The following CWF19L2 variants were observed in gnomAD, a reference collection of about 807,000 sequenced individuals.
CWF19L2 encodes CWF19-like protein 2.
CWF19L2 carries 98 observed loss-of-function variants against 111.7 expected under a neutral mutation model. The observed-to-expected ratio is 0.88, with a 90% CI of 0.75 to 1.04. The LOEUF (loss-of-function observed/expected upper bound fraction) is 1.04, where lower values mean the gene tolerates loss of function less well. CWF19L2 is among the 50% of genes least tolerant of loss of function. The pLI is 0.00. For synonymous variants in CWF19L2, 351 were observed against 342.9 expected, an observed-to-expected ratio of 1.02 and a Z score of -0.26; for missense variants, 1,101 against 1,051.4, an observed-to-expected ratio of 1.05 and a Z score of -0.65.
intron 5 of CWF19L2, 117 bp from the exon 6 acceptor site, chr11:107,439,300 A>G (rs2135418855): frequency 1.6e-6 from 1 of 642,666 alleles, no homozygotes; most frequent in Non-Finnish European, 2.7e-6. Flanking sequence ...ATCATTTAAA[A>G]CATTCTTAAG....
In CWF19L2 at chr11:107,355,888, T is replaced by C. The variant is rs569864293; in HGVS notation, c.1873-2152A>G. ...CACACTATCAACCAACTTGACTTAA[T>C]TGACATTAATAGAAATTCCACCCAA... On this transcript the variant is annotated intron_variant, in intron 12 of 17. Coordinates refer to ENST00000282251, the MANE Select transcript of CWF19L2 (RefSeq NM_152434.3). Among the ~76,000 whole-genome samples the C allele has an allele frequency of 5.5e-4, 84 of 152,152 alleles. 1 individual carries two copies. The highest frequency in any genetic ancestry group is 1.1e-3 in the Non-Finnish European group (73 of 68,022).
At chr11:107,370,259 C>G (rs1281569965) in intron 12 of CWF19L2, among the ~76,000 whole-genome samples, 2 of 137,092 alleles carry the variant, frequency 1.5e-5, no homozygotes, top group East Asian at 4.2e-4. Context: ...AGCAGCTAAA[C>G]AGATATGCTC....
chr11:107,405,889 T>G (rs1861070738), intron 10 of CWF19L2, among the ~76,000 whole-genome samples: 1 of 150,564 alleles, frequency 6.6e-6, no homozygotes, highest in African/African-American at 2.4e-5. Flanking sequence ...TTAAGAAATT[T>G]TATTTATTTA....
At chr11:107,346,835 A>C (rs1860087181) in intron 14 of CWF19L2, among the ~76,000 whole-genome samples, 1 of 152,160 alleles carries the variant, frequency 6.6e-6, no homozygotes, top group Admixed American at 6.6e-5. Flanking sequence ...AGCTCCCAGA[A>C]CACTGGCAAG....
Position 107,353,671 on chromosome 11 carries a change from C to T in CWF19L2, c.1938G>A (p.Glu646=). Residue 646 remains glutamate, a synonymous_variant, in exon 13 of 18, where the codon GAG becomes GAA. Transcript: ENST00000282251. ...CTTCCTCTTCACCAAGACGTTCTCT[C>T]TCAGCTGCTTTGGAGACAAACATGT... ...LDDMFVSKAA[E]RERLGEEEEN... The T allele has an allele frequency of 1.9e-6, 3 of 1,613,754 alleles. No homozygotes were observed. The highest frequency in any genetic ancestry group is 2.5e-6 in the Non-Finnish European group (3 of 1,179,746).
intron 12 of CWF19L2, among the ~76,000 whole-genome samples, chr11:107,386,435 A>T (rs1860767375): frequency 2.0e-5 from 3 of 152,060 alleles, no homozygotes; most frequent in Admixed American, 2.0e-4. Flanking sequence ...TCCCAAATTC[A>T]CTCTTGAACA....
At chr11:107,436,046 C>T (rs1341386567) in intron 6 of CWF19L2, among the ~76,000 whole-genome samples, 1 of 151,504 alleles carries the variant, frequency 6.6e-6, no homozygotes, top group African/African-American at 2.4e-5. Context: ...CCCAGCTACT[C>T]GGGAGGCTGA....
intron 12 of CWF19L2, among the ~76,000 whole-genome samples, chr11:107,356,192 A>G (rs1419166590): frequency 6.6e-6 from 1 of 152,194 alleles, no homozygotes; most frequent in Non-Finnish European, 1.5e-5. Context: ...AACAGCAATA[A>G]AACAAAAATA....
intron 10 of CWF19L2, among the ~76,000 whole-genome samples, chr11:107,402,906 G>A (rs1271517939): frequency 1.1e-4 from 8 of 71,920 alleles, no homozygotes; most frequent in Non-Finnish European, 2.0e-4. Context: ...TATATATAAT[G>A]GAATACTATG....
At position 107,336,798 on chromosome 11, in the gene CWF19L2, C is replaced by G. The variant is rs1057233223; in HGVS notation, c.2203-85G>C. 4.0e-6 allele frequency: 3 copies of G among 752,694 alleles called. No individual in the cohort carries two copies. In the African/African-American group the frequency reaches 5.6e-5, roughly 14 times the overall value. The allele number at this position is 752,694 out of a possible 1,614,324, so 46.6% of individuals were successfully genotyped here. A position where few individuals can be genotyped will look rare whatever the true frequency, so the allele number is the denominator to read the frequency against. ...ATTCAAGATATTTGAAATATGAAAA[C>G]TTTAATAAAAAAGTACAAATCCCTT... is the stretch of plus-strand genomic sequence containing the variant. On this transcript the variant is annotated intron_variant, in intron 14 of 17. Coordinates refer to ENST00000282251, the MANE Select transcript of CWF19L2 (RefSeq NM_152434.3).
Position 107,392,904 on chromosome 11 carries a change from A to T in CWF19L2, c.1618-9T>A, listed in dbSNP as rs773164714. Reference sequence around the variant, plus strand: ...TCTTGCTGGTCTTCATTCTATAAAAAGATTTAGAGATAACTATTGAAATTA... The same window carrying T: ...TCTTGCTGGTCTTCATTCTATAAAATGATTTAGAGATAACTATTGAAATTA... On this transcript the variant is annotated splice_polypyrimidine_tract_variant and intron_variant, in intron 10 of 17. Coordinates refer to ENST00000282251, the MANE Select transcript of CWF19L2 (RefSeq NM_152434.3). The T allele has an allele frequency of 2.1e-6, 3 of 1,443,544 alleles. No individual in the cohort carries two copies. In the South Asian group the frequency reaches 3.7e-5, roughly 18 times the overall value. The allele number at this position is 1,443,544 out of a possible 1,614,324, so 89.4% of individuals were successfully genotyped here.
chr11:107,351,755 G>A (rs1860158941), intron 13 of CWF19L2, among the ~76,000 whole-genome samples: 1 of 152,116 alleles, frequency 6.6e-6, no homozygotes, highest in South Asian at 2.1e-4. Flanking sequence ...ACTCATAAGG[G>A]CCACAGAATA....
intron 5 of CWF19L2, among the ~76,000 whole-genome samples, chr11:107,440,680 A>G (rs931533347): frequency 5.3e-5 from 8 of 152,220 alleles, no homozygotes; most frequent in Non-Finnish European, 7.3e-5. Flanking sequence ...TATAAAAGAC[A>G]AAGGATTGAA....
At chr11:107,428,550 T>C (rs953799614) in intron 8 of CWF19L2, among the ~76,000 whole-genome samples, 1 of 151,902 alleles carries the variant, frequency 6.6e-6, no homozygotes, top group Non-Finnish European at 1.5e-5. Context: ...GTTTTTTAAA[T>C]TGCAAAGCAG....
At chr11:107,354,046 G>A (rs1253379612) in intron 12 of CWF19L2, among the ~76,000 whole-genome samples, 1 of 151,590 alleles carries the variant, frequency 6.6e-6, no homozygotes. Flanking sequence ...GAATCACAGA[G>A]AGGTTTAAAT....
chr11:107,347,309 GCAA>G, intron 14 of CWF19L2, among the ~76,000 whole-genome samples: 1 of 152,056 alleles, frequency 6.6e-6, no homozygotes, highest in East Asian at 1.9e-4. Flanking sequence ...GCAACATTTG[GCAA>G]CAACATTTTG....
At chr11:107,335,552 T>C (rs566874592) in intron 15 of CWF19L2, among the ~76,000 whole-genome samples, 3 of 152,308 alleles carry the variant, frequency 2.0e-5, no homozygotes, top group Non-Finnish European at 4.4e-5. Context: ...CCTCACACAT[T>C]TTATGTTTTT....
intron 10 of CWF19L2, among the ~76,000 whole-genome samples, chr11:107,414,247 A>G (rs1190016732): frequency 6.6e-6 from 1 of 151,986 alleles, no homozygotes; most frequent in Non-Finnish European, 1.5e-5. Context: ...AGGCTGGAGT[A>G]CAGTGGTGCA....
At chr11:107,339,065 C>T (rs184201243) in intron 14 of CWF19L2, among the ~76,000 whole-genome samples, 1 of 152,302 alleles carries the variant, frequency 6.6e-6, no homozygotes, top group Admixed American at 6.5e-5. Flanking sequence ...TCTACAACCT[C>T]ACCAGCATCT....
Sources: allele counts gnomAD v4.1 joint callset (sites outside exome capture counted in the v4.1 genomes callset), GRCh38; gene constraint gnomAD v4.1.1; transcripts MANE v1.5; gene names NCBI Gene and HGNC (gene_info 2026-07-23, HGNC 2026-07-21).